SUGCT: variants seen among roughly 807,000 people sequenced by gnomAD.
SUGCT encodes the protein succinyl-CoA:glutarate-CoA transferase.
A neutral mutation model predicts 55.0 loss-of-function variants in SUGCT; 41 were observed. That is an observed-to-expected ratio of 0.74 (90% CI 0.58 to 0.97). The LOEUF (loss-of-function observed/expected upper bound fraction) is 0.97. SUGCT is among the 50% of genes least tolerant of loss of function. SUGCT has a pLI of 0.00. For missense variants in SUGCT, 568 were observed against 547.8 expected (o/e 1.04, Z -0.37); for synonymous variants, 187 against 200.4 (o/e 0.93, Z 0.56).
chr7:40,717,727 A>G (rs1786097663), intron 12 of SUGCT, among the ~76,000 whole-genome samples: 1 of 152,236 alleles, frequency 6.6e-6, no homozygotes, highest in Admixed American at 6.5e-5. Flanking sequence ...TGATATTTAC[A>G]AATAACGCTG....
intron 12 of SUGCT, among the ~76,000 whole-genome samples, chr7:40,537,673 CAG>C: frequency 6.6e-6 from 1 of 152,286 alleles, no homozygotes; most frequent in Admixed American, 6.5e-5. Flanking sequence ...GGACTGTTAA[CAG>C]AGATCGTAAA....
chr7:40,575,356 A>T (rs993276337), intron 12 of SUGCT, among the ~76,000 whole-genome samples: 4 of 152,132 alleles, frequency 2.6e-5, no homozygotes, highest in African/African-American at 4.8e-5. Context: ...ACAACAACAA[A>T]AAACTAACCA....
At position 40,676,489 on chromosome 7, in the gene SUGCT, G is replaced by A. The variant is rs527734730; in HGVS notation, c.1090-72945G>A. Among the ~76,000 whole-genome samples the A allele has an allele frequency of 6.1e-5, 9 of 148,128 alleles. No homozygotes were observed. In the South Asian group the frequency reaches 8.4e-4, roughly 14 times the overall value. The stretch of plus-strand genomic sequence containing the variant: ...GACACACCAAGGAGAAAAATCCCTT[G>A]CGGTTTTGTTTTTTGTTTTTTTTTT... On this transcript the variant is annotated intron_variant, in intron 12 of 13. Coordinates refer to ENST00000335693, the MANE Select transcript of SUGCT (RefSeq NM_001193313.2).
intron 12 of SUGCT, among the ~76,000 whole-genome samples, chr7:40,721,837 G>T (rs538397483): frequency 6.6e-6 from 1 of 152,282 alleles, no homozygotes; most frequent in Admixed American, 6.5e-5. Context: ...TGAAGGGATG[G>T]TAGCTTTGAA....
intron 12 of SUGCT, among the ~76,000 whole-genome samples, chr7:40,542,764 C>A (rs1490520621): frequency 3.9e-5 from 6 of 152,128 alleles, no homozygotes; most frequent in Non-Finnish European, 8.8e-5. Context: ...GCAGAATGGG[C>A]CTTTCGACTG....
At chr7:40,962,687 T>C in the SUGCT span, among the ~76,000 whole-genome samples, 118 of 151,824 alleles carry the variant, frequency 7.8e-4, no homozygotes, top group African/African-American at 2.6e-3. Flanking sequence ...AAAAATCCAT[T>C]CATGTCATGA....
At chr7:40,931,694 T>A in the SUGCT span, among the ~76,000 whole-genome samples, 1 of 152,232 alleles carries the variant, frequency 6.6e-6, no homozygotes, top group Non-Finnish European at 1.5e-5. Context: ...TTCTAGATTT[T>A]CTAGTTTATT....
At chr7:40,239,440 A>G (rs1052609968) in intron 7 of SUGCT, among the ~76,000 whole-genome samples, 3 of 152,076 alleles carry the variant, frequency 2.0e-5, no homozygotes, top group South Asian at 2.1e-4. Flanking sequence ...GAGCATGGAC[A>G]TTTCTCTCAT....
chr7:40,562,215 C>T (rs1357380627), intron 12 of SUGCT, among the ~76,000 whole-genome samples: 2 of 150,356 alleles, frequency 1.3e-5, no homozygotes, highest in African/African-American at 4.9e-5. Context: ...AGGAGAATGG[C>T]GTGAGCCTGG....
chr7:40,858,171 G>A (rs1225804500), intron 13 of SUGCT, among the ~76,000 whole-genome samples: 1 of 152,056 alleles, frequency 6.6e-6, no homozygotes, highest in Non-Finnish European at 1.5e-5. Context: ...TGCAGTGGTT[G>A]ACGCATCACA....
At chr7:40,253,886 TAAAC>T (rs1253218104) in intron 7 of SUGCT, among the ~76,000 whole-genome samples, 2 of 152,218 alleles carry the variant, frequency 1.3e-5, no homozygotes, top group African/African-American at 2.4e-5. Context: ...ATAGAGAAAA[TAAAC>T]AAGCATGTTT....
Position 40,526,250 on chromosome 7 carries a change from G to A in SUGCT, c.1089+29864G>A, listed in dbSNP as rs1431372322. 5.3e-5 allele frequency among the ~76,000 whole-genome samples: 8 copies of A among 152,020 alleles called. No homozygotes were observed. In the South Asian group the frequency reaches 1.7e-3, roughly 32 times the overall value. The stretch of plus-strand genomic sequence containing the variant: ...TTGTGCCCTGTCAAACGAATGAGTT[G>A]CATTGACTTGGTATATATAGGGTTG... On this transcript the variant is annotated intron_variant, in intron 12 of 13. Coordinates refer to ENST00000335693, the MANE Select transcript of SUGCT (RefSeq NM_001193313.2).
At chr7:40,701,957 C>T (rs937796875) in intron 12 of SUGCT, among the ~76,000 whole-genome samples, 2 of 152,180 alleles carry the variant, frequency 1.3e-5, no homozygotes, top group Non-Finnish European at 2.9e-5. Flanking sequence ...TTTGCTGTCA[C>T]ACATATGTCA....
intron 9 of SUGCT, among the ~76,000 whole-genome samples, chr7:40,380,799 G>C (rs1784832812): frequency 6.6e-6 from 1 of 152,138 alleles, no homozygotes; most frequent in Non-Finnish European, 1.5e-5. Context: ...ATTGCTGCCT[G>C]TATATTTTCC....
At chr7:40,258,892 A>G (rs1791023490) in intron 7 of SUGCT, among the ~76,000 whole-genome samples, 1 of 152,232 alleles carries the variant, frequency 6.6e-6, no homozygotes, top group Non-Finnish European at 1.5e-5. Context: ...TCCTATGTTC[A>G]TTGCAGCATC....
intron 13 of SUGCT, chr7:40,808,261 TG>T (rs1791216629): frequency 6.6e-6 from 1 of 152,236 alleles, no homozygotes; most frequent in Admixed American, 6.5e-5. Flanking sequence ...CCCTTGAGAC[TG>T]GCCCCTGGCC....
intron 12 of SUGCT, among the ~76,000 whole-genome samples, chr7:40,730,054 T>C (rs1786814470): frequency 1.3e-5 from 2 of 152,172 alleles, no homozygotes; most frequent in African/African-American, 4.8e-5. Context: ...GGGAAGAACA[T>C]GAAGCAGGGG....
At chr7:40,601,936 A>G (rs964512412) in intron 12 of SUGCT, among the ~76,000 whole-genome samples, 1 of 152,178 alleles carries the variant, frequency 6.6e-6, no homozygotes, top group Non-Finnish European at 1.5e-5. Flanking sequence ...TTTGCCTGAG[A>G]GTTCGCATTT....
At chr7:40,276,468 C>A (rs538972052) in intron 8 of SUGCT, among the ~76,000 whole-genome samples, 41 of 152,170 alleles carry the variant, frequency 2.7e-4, no homozygotes, top group Non-Finnish European at 4.9e-4. Context: ...ATAACATCCA[C>A]AGGAGGCCCT....
Sources: allele counts gnomAD v4.1 joint callset (sites outside exome capture counted in the v4.1 genomes callset), GRCh38; gene constraint gnomAD v4.1.1; transcripts MANE v1.5; gene names NCBI Gene and HGNC (gene_info 2026-07-23, HGNC 2026-07-21).